Variants in STRN observed in about 807,000 individuals in gnomAD.
The protein encoded by STRN is striatin.
A neutral mutation model predicts 96.3 loss-of-function variants in STRN; 53 were observed. The observed-to-expected ratio is 0.55, with a 90% CI of 0.44 to 0.69. The LOEUF (loss-of-function observed/expected upper bound fraction) is 0.69. Ranked by LOEUF, STRN falls within the 30% of genes least tolerant of loss-of-function variation. STRN has a pLI of 0.00. For missense variants in STRN, 987 were observed against 963.9 expected (o/e 1.02, Z -0.32); for synonymous variants, 428 against 355.9 (o/e 1.20, Z -2.28).
At chr2:36,961,115 CTTTTTTTTTTT>C (rs551915869) in intron 1 of STRN, among the ~76,000 whole-genome samples, 14 of 60,316 alleles carry the variant, frequency 2.3e-4, no homozygotes, top group Middle Eastern at 0.01. Context: ...CCAGGCTGCA[CTTTTTTTTTTT>C]TTTTTTTTTT....
chr2:36,963,249 G>C (rs11685600), intron 1 of STRN, among the ~76,000 whole-genome samples: 11,755 of 152,254 alleles, frequency 0.077, 692 homozygotes, highest in African/African-American at 0.16. Flanking sequence ...CCTTTCACAA[G>C]TCTTCCCTGG....
rs781315389 is a variant in STRN, at chr2:36,849,794, A to G, written c.2093T>C (p.Leu698Pro). ...IKFYDNNTGKLIHSMVAHLEA... is the reference protein window; with the variant it reads ...IKFYDNNTGKPIHSMVAHLEA... Reference sequence around the variant, plus strand: ...TAGGTGGGCTACCATCGAGTGGATCAGTTTGCCTTTGGAAAAAGAGATTGT... The same window carrying G: ...TAGGTGGGCTACCATCGAGTGGATCGGTTTGCCTTTGGAAAAAGAGATTGT... Residue 698 changes from leucine to proline, a missense_variant, in exon 17 of 18, where the codon CTG (leucine) becomes CCG (proline). Physicochemically the swap from Leu to Pro is moderately conservative, Grantham distance 98. Transcript: ENST00000263918. The G allele has an allele frequency of 1.9e-6, 3 of 1,614,148 alleles. No homozygotes were observed. The Admixed American group carries it at 5.0e-5, about 27-fold the overall frequency.
intron 1 of STRN, among the ~76,000 whole-genome samples, chr2:36,961,285 AT>A (rs139618470): frequency 0.058 from 8,662 of 148,334 alleles, 322 homozygotes; most frequent in East Asian, 0.13. Flanking sequence ...AATTAAAAAA[AT>A]TTTTTTTTCT....
intron 5 of STRN, among the ~76,000 whole-genome samples, chr2:36,901,034 G>A (rs1669668563): frequency 6.6e-6 from 1 of 150,902 alleles, no homozygotes; most frequent in Admixed American, 6.6e-5. Flanking sequence ...AAACTACTAT[G>A]GACAAAATTT....
At chr2:36,877,048 C>A (rs1367356857) in intron 10 of STRN, among the ~76,000 whole-genome samples, 2 of 152,050 alleles carry the variant, frequency 1.3e-5, no homozygotes. Context: ...GTGCCCAGCC[C>A]TATAAACACA....
intron 3 of STRN, among the ~76,000 whole-genome samples, chr2:36,909,930 TG>T (rs1301834168): frequency 6.6e-6 from 1 of 152,094 alleles, no homozygotes; most frequent in African/African-American, 2.4e-5. Context: ...CCCAGCACTT[TG>T]GGAGGCCAAG....
rs1051967724 is a variant in STRN, at chr2:36,948,542, G to A, written c.234+17688C>T. 2.6e-5 allele frequency among the ~76,000 whole-genome samples: 4 copies of A among 152,072 alleles called. No individual in the cohort carries two copies. In the East Asian group the frequency reaches 7.7e-4, roughly 29 times the overall value. On this transcript the variant is annotated intron_variant, in intron 1 of 17. Transcript: ENST00000263918. ...TTTAACATCATTAACAACATATACC[G>A]TGATAGGTGTTGGAGATATTTGTCT... is the stretch of plus-strand genomic sequence containing the variant.
chr2:36,903,913 C>T (rs150480157), intron 4 of STRN, among the ~76,000 whole-genome samples: 1 of 152,196 alleles, frequency 6.6e-6, no homozygotes, highest in African/African-American at 2.4e-5. Context: ...ACATACCTCA[C>T]TTTGGCAACA....
intron 12 of STRN, among the ~76,000 whole-genome samples, chr2:36,863,216 A>T (rs1262099667): frequency 6.6e-6 from 1 of 151,788 alleles, no homozygotes; most frequent in Non-Finnish European, 1.5e-5. Flanking sequence ...TCATTGTTGC[A>T]ATTGCTTTTG....
intron 1 of STRN, among the ~76,000 whole-genome samples, chr2:36,965,758 A>T (rs1665141838): frequency 6.6e-6 from 1 of 152,232 alleles, no homozygotes; most frequent in African/African-American, 2.4e-5. Context: ...TCAAGGCCTG[A>T]CACAACTTCT....
intron 5 of STRN, among the ~76,000 whole-genome samples, chr2:36,900,036 G>A (rs1470797475): frequency 6.6e-6 from 1 of 152,016 alleles, no homozygotes; most frequent in Non-Finnish European, 1.5e-5. Flanking sequence ...TTACAGGAGT[G>A]AGCCACCACA....
chr2:36,875,005 A>G (rs1668865436), intron 10 of STRN, among the ~76,000 whole-genome samples: 1 of 152,246 alleles, frequency 6.6e-6, no homozygotes, highest in Non-Finnish European at 1.5e-5. Flanking sequence ...GTACAAAACA[A>G]TAATTTTCTT....
At chr2:36,923,346 G>A (rs531005856) in intron 2 of STRN, among the ~76,000 whole-genome samples, 34 of 150,710 alleles carry the variant, frequency 2.3e-4, no homozygotes, top group Non-Finnish European at 4.6e-4. Flanking sequence ...AGCAACTCGG[G>A]AGGCTGAGAC....
At chr2:36,933,574 G>T (rs1572685330) in intron 1 of STRN, among the ~76,000 whole-genome samples, 1 of 152,172 alleles carries the variant, frequency 6.6e-6, no homozygotes, top group East Asian at 1.9e-4. Flanking sequence ...AGAAGCTAGA[G>T]GCCCAATGTA....
At chr2:36,961,280 A>T (rs1388293140) in intron 1 of STRN, among the ~76,000 whole-genome samples, 1 of 149,528 alleles carries the variant, frequency 6.7e-6, no homozygotes, top group Non-Finnish European at 1.5e-5. Flanking sequence ...CGGCTAATTA[A>T]AAAAATTTTT....
At chr2:36,923,510 T>A (rs1172519275) in intron 2 of STRN, among the ~76,000 whole-genome samples, 1 of 152,074 alleles carries the variant, frequency 6.6e-6, no homozygotes, top group African/African-American at 2.4e-5. Context: ...TGTTTTTTCT[T>A]TCCATGTCCC....
chr2:36,953,164 A>G (rs1664801967), intron 1 of STRN, among the ~76,000 whole-genome samples: 1 of 152,090 alleles, frequency 6.6e-6, no homozygotes, highest in African/African-American at 2.4e-5. Context: ...TGAGTGATGC[A>G]TATTTGCCAC....
chr2:36,923,163 T>C (rs964816968), intron 2 of STRN, among the ~76,000 whole-genome samples: 1 of 145,078 alleles, frequency 6.9e-6, no homozygotes, highest in Non-Finnish European at 1.5e-5. Flanking sequence ...AAATCTCAAA[T>C]ACTCGGCCAG....
intron 1 of STRN, among the ~76,000 whole-genome samples, chr2:36,964,183 GGC>G (rs144819892): frequency 0.25 from 32,819 of 132,350 alleles, 5,963 homozygotes; most frequent in African/African-American, 0.3. Context: ...AACGGGGCGG[GGC>G]GGGGGGAAGG....
Sources: gnomAD v4.1 joint callset for allele counts (sites outside exome capture counted in the v4.1 genomes callset) on GRCh38, gnomAD v4.1.1 for gene constraint, MANE v1.5 for transcripts, NCBI Gene and HGNC (gene_info 2026-07-23, HGNC 2026-07-21) for gene names.